Variants in ELMO1 observed in about 807,000 individuals in gnomAD.
The protein encoded by ELMO1 is engulfment and cell motility 1, also known as engulfment and cell motility protein 1.
ELMO1 carries 26 observed loss-of-function variants against 98.9 expected under a neutral mutation model. That is an observed-to-expected ratio of 0.26 (90% CI 0.19 to 0.36). The LOEUF is 0.36. ELMO1 is among the 10% of genes least tolerant of loss of function. ELMO1 has a pLI of 1.00. For synonymous variants in ELMO1, 346 were observed against 346.0 expected, an observed-to-expected ratio of 1.00 and a Z score of 0.00; for missense variants, 627 against 935.2, an observed-to-expected ratio of 0.67 and a Z score of 4.30.
At chr7:37,236,086 G>C (rs1794444295) in intron 7 of ELMO1, among the ~76,000 whole-genome samples, 1 of 152,142 alleles carries the variant, frequency 6.6e-6, no homozygotes, top group South Asian at 2.1e-4. Context: ...ATATATGAAA[G>C]CAATATGACT....
intron 2 of ELMO1, among the ~76,000 whole-genome samples, chr7:37,332,057 G>A (rs1367851493): frequency 6.6e-6 from 1 of 152,172 alleles, no homozygotes; most frequent in East Asian, 1.9e-4. Flanking sequence ...TGATGATGAG[G>A]CTGATCAATC....
intron 13 of ELMO1, among the ~76,000 whole-genome samples, chr7:37,209,480 C>T (rs1044726159): frequency 1.2e-4 from 18 of 152,166 alleles, no homozygotes; most frequent in African/African-American, 1.9e-4. Context: ...AGGAGGAGGA[C>T]GATAAAATTG....
intron 4 of ELMO1, among the ~76,000 whole-genome samples, chr7:37,280,731 G>C (rs1797091907): frequency 6.6e-6 from 1 of 151,992 alleles, no homozygotes; most frequent in South Asian, 2.1e-4. Flanking sequence ...GGTAAACAGA[G>C]AACACTTCTA....
intron 16 of ELMO1, among the ~76,000 whole-genome samples, chr7:36,926,855 T>C (rs758734100): frequency 6.6e-6 from 1 of 152,252 alleles, no homozygotes; most frequent in African/African-American, 2.4e-5. Flanking sequence ...TAATTTAGTA[T>C]GTGTTCTGCT....
Position 37,187,764 on chromosome 7 carries a change from A to G in ELMO1, c.1086+23622T>C, listed in dbSNP as rs202134254. On this transcript the variant is annotated intron_variant, in intron 13 of 21. Coordinates refer to ENST00000310758, the MANE Select transcript of ELMO1 (RefSeq NM_014800.11). ...ATGTGATAATTTGACTATTTCAATT[A>G]AAGAATTGCCTTAGCTAATTTTTGT... 2.0e-5 allele frequency among the ~76,000 whole-genome samples: 3 copies of G among 152,332 alleles called. No individual in the cohort carries two copies. The East Asian group carries it at 5.8e-4, about 29-fold the overall frequency.
At chr7:37,314,128 C>T (rs1298157154) in intron 4 of ELMO1, among the ~76,000 whole-genome samples, 1 of 152,174 alleles carries the variant, frequency 6.6e-6, no homozygotes, top group Non-Finnish European at 1.5e-5. Flanking sequence ...ATTAGTCTAA[C>T]CATTTGTCCT....
intron 15 of ELMO1, among the ~76,000 whole-genome samples, chr7:37,053,839 A>G (rs919726716): frequency 1.3e-5 from 2 of 152,138 alleles, no homozygotes; most frequent in African/African-American, 4.8e-5. Flanking sequence ...ATAGAATTTG[A>G]TATGTTTTAT....
chr7:37,004,272 T>C (rs35828267), intron 16 of ELMO1, among the ~76,000 whole-genome samples: 5,132 of 152,294 alleles, frequency 0.034, 111 homozygotes, highest in Middle Eastern at 0.099. Flanking sequence ...ACCTTTCATA[T>C]AATCCACAAC....
At chr7:37,176,207 C>T (rs1333345286) in intron 13 of ELMO1, among the ~76,000 whole-genome samples, 1 of 152,220 alleles carries the variant, frequency 6.6e-6, no homozygotes, top group African/African-American at 2.4e-5. Context: ...TCCCCAAAGA[C>T]TCATCGACTG....
chr7:37,307,629 T>C (rs1454467018), intron 4 of ELMO1, among the ~76,000 whole-genome samples: 48 of 152,218 alleles, frequency 3.2e-4, no homozygotes, highest in Admixed American at 3.1e-3. Context: ...GATATCACTT[T>C]GGAAATAAAT....
At chr7:37,446,818 T>G (rs2131602773) in intron 1 of ELMO1, among the ~76,000 whole-genome samples, 1 of 152,178 alleles carries the variant, frequency 6.6e-6, no homozygotes, top group Non-Finnish European at 1.5e-5. Flanking sequence ...TTCTCAAAAT[T>G]TACCAACCTA....
At position 37,213,405 on chromosome 7, in the gene ELMO1, T is replaced by C; in HGVS notation, c.884A>G (p.Tyr295Cys). 1 of 1,612,636 alleles carries C rather than the reference T, an allele frequency of 6.2e-7. No homozygotes were observed. The highest frequency in any genetic ancestry group is 8.5e-7 in the Non-Finnish European group (1 of 1,179,778). Reference protein sequence around the residue: ...AINNEMAHQLYVLQVLTFNLL... With the variant: ...AINNEMAHQLCVLQVLTFNLL... ...GTTAAAGGTGAGCACTTGTAGAACATACAGCTGGTGCGCCATCTCATTGTT... is the reference window on the plus strand; with the variant it reads ...GTTAAAGGTGAGCACTTGTAGAACACACAGCTGGTGCGCCATCTCATTGTT... Residue 295 changes from tyrosine to cysteine, a missense_variant, in exon 12 of 22, where the codon TAT becomes TGT. Tyr to Cys is a radical substitution (Grantham distance 194, BLOSUM62 -2). This residue lies in a region of ELMO1 where 492 missense variants were observed against 715.6 expected (regional missense o/e 0.69). Coordinates refer to ENST00000310758, the MANE Select transcript of ELMO1 (RefSeq NM_014800.11).
chr7:37,341,672 A>G (rs1234325772), intron 2 of ELMO1, among the ~76,000 whole-genome samples: 1 of 152,232 alleles, frequency 6.6e-6, no homozygotes, highest in Non-Finnish European at 1.5e-5. Flanking sequence ...TAACTCTCGC[A>G]TTGATCTGCC....
intron 20 of ELMO1, among the ~76,000 whole-genome samples, chr7:36,865,217 G>T (rs1802943903): frequency 6.6e-6 from 1 of 152,144 alleles, no homozygotes; most frequent in Admixed American, 6.5e-5. Context: ...AACTATGTTG[G>T]TTCTCTATCT....
intron 1 of ELMO1, among the ~76,000 whole-genome samples, chr7:37,412,422 T>A (rs915274677): frequency 6.6e-6 from 1 of 152,228 alleles, no homozygotes; most frequent in African/African-American, 2.4e-5. Context: ...GTCTCTTGGA[T>A]AAATTGCCAA....
At chr7:37,074,773 G>A (rs965138160) in intron 15 of ELMO1, among the ~76,000 whole-genome samples, 12 of 152,122 alleles carry the variant, frequency 7.9e-5, no homozygotes, top group Admixed American at 5.9e-4. Context: ...GAAGTGAGGA[G>A]GTTTAGCTTG....
At chr7:37,213,947 T>A (rs1054526988) in intron 11 of ELMO1, among the ~76,000 whole-genome samples, 2 of 152,164 alleles carry the variant, frequency 1.3e-5, no homozygotes, top group Non-Finnish European at 2.9e-5. Context: ...AAAATACCCA[T>A]CAAATCTTAA....
intron 13 of ELMO1, among the ~76,000 whole-genome samples, chr7:37,152,444 CTTTTTT>C (rs11421529): frequency 7.0e-6 from 1 of 143,808 alleles, no homozygotes; most frequent in Non-Finnish European, 1.5e-5. Context: ...AATGTTGGGG[CTTTTTT>C]TTTTTTTTTT....
chr7:36,970,184 C>T (rs1194790719), intron 16 of ELMO1, among the ~76,000 whole-genome samples: 87 of 54,880 alleles, frequency 1.6e-3, no homozygotes, highest in African/African-American at 5.4e-3. Flanking sequence ...ACACTTAACA[C>T]ACACACACAC....
Sources: gnomAD v4.1 joint callset for allele counts (sites outside exome capture counted in the v4.1 genomes callset) on GRCh38, gnomAD v4.1.1 for gene constraint, gnomAD v4.1.1 regional missense constraint, MANE v1.5 for transcripts, NCBI Gene and HGNC (gene_info 2026-07-23, HGNC 2026-07-21) for gene names.